The following COL11A1 variants were observed in gnomAD, a reference collection of about 807,000 sequenced individuals.
COL11A1 encodes the protein collagen type XI alpha 1 chain.
In COL11A1, 74 loss-of-function variants were observed where a neutral mutation model predicts 265.2. That is an observed-to-expected ratio of 0.28 (90% confidence interval 0.23 to 0.34). The LOEUF (loss-of-function observed/expected upper bound fraction) is 0.34, where lower values mean the gene tolerates loss of function less well. Among genes scored for constraint, COL11A1 ranks in the 10% least tolerant of loss-of-function variants. COL11A1 has a pLI of 1.00. For synonymous variants in COL11A1, 816 were observed against 727.6 expected (o/e 1.12, Z -1.96); for missense variants, 2,165 against 2,263.6 (o/e 0.96, Z 0.88).
At chr1:102,904,675 AT>A (rs1412391989) in intron 54 of COL11A1, among the ~76,000 whole-genome samples, 1 of 152,222 alleles carries the variant, frequency 6.6e-6, no homozygotes, top group East Asian at 1.9e-4. Flanking sequence ...CCACAATGAG[AT>A]ACCATCTCAC....
intron 54 of COL11A1, 63 bp from the exon 55 acceptor site, chr1:102,899,057 T>C (rs1315953644): frequency 2.1e-6 from 2 of 937,706 alleles, no homozygotes; most frequent in Non-Finnish European, 3.1e-6. Context: ...AATGAGCACT[T>C]GTTTACAAAC....
At chr1:102,923,443 A>T (rs1656220432) in intron 46 of COL11A1, 54 bp from the exon 47 acceptor site, 1 of 1,381,526 alleles carries the variant, frequency 7.2e-7, no homozygotes, top group Admixed American at 2.1e-5. Flanking sequence ...TTAAAAAAAA[A>T]AGTTTGGTCA....
intron 41 of COL11A1, among the ~76,000 whole-genome samples, chr1:102,948,681 T>A (rs2101431879): frequency 6.6e-6 from 1 of 152,070 alleles, no homozygotes; most frequent in Middle Eastern, 3.4e-3. Context: ...GAGGAGGCTA[T>A]AGTTATAAGA....
intron 11 of COL11A1, 62 bp from the exon 12 acceptor site, chr1:103,015,804 G>A (rs1046486035): frequency 8.3e-7 from 1 of 1,201,088 alleles, no homozygotes. Flanking sequence ...ACTAGAACTA[G>A]AATAACTTAT....
intron 42 of COL11A1, among the ~76,000 whole-genome samples, chr1:102,943,907 T>A (rs61812683): frequency 6.6e-6 from 1 of 152,234 alleles, no homozygotes; most frequent in African/African-American, 2.4e-5. Flanking sequence ...TAACTAATAG[T>A]TTTCATTAGA....
intron 55 of COL11A1, 76 bp from the exon 56 acceptor site, chr1:102,898,849 AAGT>A (rs1652787069): frequency 1.4e-6 from 2 of 1,415,038 alleles, no homozygotes; most frequent in African/African-American, 1.4e-5. Context: ...GCACTGAAAA[AAGT>A]AGATCAGTTT....
intron 18 of COL11A1, 86 bp downstream of exon 18, chr1:103,005,752 T>C: frequency 6.7e-7 from 1 of 1,499,516 alleles, no homozygotes; most frequent in Non-Finnish European, 9.2e-7. Context: ...AATTAATTTT[T>C]CTTCTTTTTC....
chr1:102,891,236 G>A (rs1036423235), intron 57 of COL11A1, among the ~76,000 whole-genome samples: 1 of 152,010 alleles, frequency 6.6e-6, no homozygotes, highest in Non-Finnish European at 1.5e-5. Flanking sequence ...AATATTGCAT[G>A]TATATTATTC....
At chr1:103,034,988 G>C (rs1668253941) in intron 4 of COL11A1, among the ~76,000 whole-genome samples, 1 of 152,096 alleles carries the variant, frequency 6.6e-6, no homozygotes, top group African/African-American at 2.4e-5. Context: ...ATCAGTAAAT[G>C]ATTAGAGTGA....
At chr1:103,043,849 A>G (rs540114699) in intron 4 of COL11A1, among the ~76,000 whole-genome samples, 1 of 152,234 alleles carries the variant, frequency 6.6e-6, no homozygotes, top group African/African-American at 2.4e-5. Context: ...AATGTAATAG[A>G]AAGAAAATAA....
At chr1:102,929,734 T>A (rs970064310) in intron 46 of COL11A1, among the ~76,000 whole-genome samples, 1 of 152,072 alleles carries the variant, frequency 6.6e-6, no homozygotes, top group Non-Finnish European at 1.5e-5. Flanking sequence ...GCATGGAATG[T>A]TCTTCCATTT....
intron 41 of COL11A1, among the ~76,000 whole-genome samples, chr1:102,952,920 A>G (rs1660027165): frequency 6.6e-6 from 1 of 152,214 alleles, no homozygotes; most frequent in Non-Finnish European, 1.5e-5. Flanking sequence ...GCCCAATATG[A>G]AAAGAAGGTA....
At position 102,996,002 on chromosome 1, in the gene COL11A1, G is replaced by A; in HGVS notation, c.2282C>T (p.Pro761Leu). ...GPQGPIGYPG[P>L]RGVKGADGVR... ...ATTTAACGTTACCTTTACTCCCCGG[G>A]GGCCCGGGTATCCAATAGGACCTTG... is the stretch of plus-strand genomic sequence containing the variant. The change falls in exon 27 of 67, where the codon CCC becomes CTC. Residue 761 changes from proline (P) to leucine (L), a missense_variant. Physicochemically the swap from Pro to Leu is moderately conservative, Grantham distance 98 (BLOSUM62 -3). Coordinates refer to ENST00000370096, the MANE Select transcript of COL11A1 (RefSeq NM_001854.4). The A allele has an allele frequency of 6.2e-7, 1 of 1,613,342 alleles. No homozygotes were observed. The highest frequency in any genetic ancestry group is 8.5e-7 in the Non-Finnish European group (1 of 1,179,588).
intron 9 of COL11A1, among the ~76,000 whole-genome samples, chr1:103,020,037 C>T (rs543647799): frequency 0.012 from 1,805 of 148,044 alleles, 34 homozygotes; most frequent in African/African-American, 0.041. Flanking sequence ...TGAATAATGC[C>T]GCAATAAACA....
At chr1:102,891,473 A>G (rs999224690) in intron 57 of COL11A1, among the ~76,000 whole-genome samples, 1 of 152,036 alleles carries the variant, frequency 6.6e-6, no homozygotes, top group African/African-American at 2.4e-5. Context: ...TTTAACTTAC[A>G]TTCTATGAAA....
At chr1:102,895,593 T>G (rs1652325522) in intron 57 of COL11A1, among the ~76,000 whole-genome samples, 1 of 151,968 alleles carries the variant, frequency 6.6e-6, no homozygotes, top group African/African-American at 2.4e-5. Flanking sequence ...ATGGAGAAAG[T>G]ATTATTATTA....
At chr1:102,964,113 A>G (rs1372787545) in intron 38 of COL11A1, among the ~76,000 whole-genome samples, 1 of 152,214 alleles carries the variant, frequency 6.6e-6, no homozygotes, top group African/African-American at 2.4e-5. Context: ...AAAAAAGAAC[A>G]CAAGTCTCAG....
intron 28 of COL11A1, among the ~76,000 whole-genome samples, chr1:102,994,312 G>A (rs1474262577): frequency 6.6e-6 from 1 of 152,074 alleles, no homozygotes; most frequent in African/African-American, 2.4e-5. Context: ...AGGATCACGG[G>A]GGTGGATTTC....
chr1:103,025,421 A>T (rs1667433662), intron 7 of COL11A1, 100 bp downstream of exon 7: 2 of 846,910 alleles, frequency 2.4e-6, no homozygotes, highest in African/African-American at 1.7e-5. Context: ...AAAACATCAG[A>T]TGTTTGAGAA....
Sources: gnomAD v4.1 joint callset for allele counts (sites outside exome capture counted in the v4.1 genomes callset) on GRCh38, gnomAD v4.1.1 for gene constraint, MANE v1.5 for transcripts, NCBI Gene and HGNC (gene_info 2026-07-23, HGNC 2026-07-21) for gene names.